The following CNTNAP5 variants were observed in gnomAD, a reference collection of about 807,000 sequenced individuals.
CNTNAP5 encodes contactin associated protein family member 5, also known as contactin-associated protein-like 5.
A neutral mutation model predicts 150.2 loss-of-function variants in CNTNAP5; 72 were observed. The ratio of observed to expected loss-of-function variants is 0.48; its 90% CI spans 0.40 to 0.58. CNTNAP5 has a LOEUF of 0.58. CNTNAP5 is among the 20% of genes least tolerant of loss of function. The pLI is 0.00. For synonymous variants in CNTNAP5, 672 were observed against 619.8 expected (o/e 1.08, Z -1.25); for missense variants, 1,636 against 1,626.2 (o/e 1.01, Z -0.10).
chr2:124,690,828 C>A (rs554331991), intron 13 of CNTNAP5, among the ~76,000 whole-genome samples: 1 of 152,214 alleles, frequency 6.6e-6, no homozygotes, highest in African/African-American at 2.4e-5. Flanking sequence ...TGAATATATT[C>A]CCATGGCTCT....
intron 3 of CNTNAP5, among the ~76,000 whole-genome samples, chr2:124,389,158 C>T (rs1024278832): frequency 1.3e-5 from 2 of 152,044 alleles, no homozygotes; most frequent in Non-Finnish European, 2.9e-5. Context: ...CCTTTTCTGT[C>T]CTGTAATGTT....
chr2:124,762,707 A>G, intron 14 of CNTNAP5, among the ~76,000 whole-genome samples: 1 of 152,140 alleles, frequency 6.6e-6, no homozygotes, highest in East Asian at 1.9e-4. Flanking sequence ...ACAGCTGTAT[A>G]CTTCTAAAAC....
chr2:124,414,500 G>T (rs961807394), intron 3 of CNTNAP5, among the ~76,000 whole-genome samples: 2 of 152,114 alleles, frequency 1.3e-5, no homozygotes, highest in African/African-American at 4.8e-5. Flanking sequence ...AACTGCAAAT[G>T]ATATGGCTCT....
At chr2:124,699,344 G>C (rs1679472254) in intron 13 of CNTNAP5, among the ~76,000 whole-genome samples, 1 of 152,100 alleles carries the variant, frequency 6.6e-6, no homozygotes, top group Non-Finnish European at 1.5e-5. Flanking sequence ...GTTGCAGGGA[G>C]GGGCTCAGAT....
intron 21 of CNTNAP5, among the ~76,000 whole-genome samples, chr2:124,874,822 C>T (rs1363967659): frequency 1.3e-5 from 2 of 152,020 alleles, no homozygotes; most frequent in East Asian, 3.9e-4. Context: ...ATGCTGATAG[C>T]ATTATTTTTT....
At chr2:124,371,635 G>A (rs1573949762) in intron 3 of CNTNAP5, among the ~76,000 whole-genome samples, 1 of 152,202 alleles carries the variant, frequency 6.6e-6, no homozygotes, top group African/African-American at 2.4e-5. Context: ...TGCAACTGAA[G>A]CACTCTTAGA....
chr2:124,631,552 C>T (rs1677860843), intron 12 of CNTNAP5, among the ~76,000 whole-genome samples: 1 of 152,096 alleles, frequency 6.6e-6, no homozygotes, highest in South Asian at 2.1e-4. Flanking sequence ...CCCTTCCTTA[C>T]ACCTTATACA....
At chr2:124,424,222 TCTC>T (rs1452338678) in intron 4 of CNTNAP5, among the ~76,000 whole-genome samples, 1 of 152,188 alleles carries the variant, frequency 6.6e-6, no homozygotes, top group Admixed American at 6.5e-5. Flanking sequence ...TTGTTGCTGT[TCTC>T]ATCATCTGGG....
chr2:124,766,187 T>A (rs1324336028), intron 16 of CNTNAP5, among the ~76,000 whole-genome samples: 2 of 152,118 alleles, frequency 1.3e-5, no homozygotes, highest in East Asian at 3.9e-4. Context: ...GGGTAGGCTG[T>A]ACCCACCACC....
chr2:124,603,954 T>C (rs1558700722), intron 11 of CNTNAP5, among the ~76,000 whole-genome samples: 1 of 152,200 alleles, frequency 6.6e-6, no homozygotes, highest in South Asian at 2.1e-4. Flanking sequence ...TTTGAGATAA[T>C]TCCAGTCTTT....
intron 19 of CNTNAP5, among the ~76,000 whole-genome samples, chr2:124,864,496 C>A (rs1275105316): frequency 1.3e-5 from 2 of 152,074 alleles, no homozygotes. Context: ...ACAAATCTCT[C>A]TGAAGTGGCC....
intron 3 of CNTNAP5, among the ~76,000 whole-genome samples, chr2:124,307,320 C>T (rs1252877640): frequency 6.6e-6 from 1 of 152,118 alleles, no homozygotes; most frequent in Non-Finnish European, 1.5e-5. Context: ...GTGCTCCATT[C>T]TCATGACCTA....
intron 1 of CNTNAP5, among the ~76,000 whole-genome samples, chr2:124,097,766 C>T (rs1202899769): frequency 2.6e-5 from 4 of 152,220 alleles, no homozygotes; most frequent in African/African-American, 7.2e-5. Context: ...CAGTGGCTCA[C>T]GCCTGTAATC....
intron 3 of CNTNAP5, among the ~76,000 whole-genome samples, chr2:124,400,875 T>A (rs925424579): frequency 1.3e-5 from 2 of 151,932 alleles, no homozygotes; most frequent in African/African-American, 2.4e-5. Flanking sequence ...ACTTTTTTTT[T>A]ATTACTTTTT....
intron 2 of CNTNAP5, among the ~76,000 whole-genome samples, chr2:124,237,988 A>G (rs1055691629): frequency 6.6e-6 from 1 of 152,178 alleles, no homozygotes; most frequent in Non-Finnish European, 1.5e-5. Flanking sequence ...TGCAGTCTTT[A>G]GCCATACATC....
chr2:124,721,201 G>A (rs1680041180), intron 13 of CNTNAP5, among the ~76,000 whole-genome samples: 1 of 152,124 alleles, frequency 6.6e-6, no homozygotes, highest in Non-Finnish European at 1.5e-5. Flanking sequence ...AAATGCGGCT[G>A]GGCACTGAGG....
At chr2:124,781,678 C>T (rs1350673690) in intron 17 of CNTNAP5, among the ~76,000 whole-genome samples, 1 of 132,080 alleles carries the variant, frequency 7.6e-6, no homozygotes, top group African/African-American at 2.9e-5. Flanking sequence ...TTCCCCGCCG[C>T]CATCTACACT....
At chr2:124,283,240 C>T (rs187032372) in intron 3 of CNTNAP5, among the ~76,000 whole-genome samples, 1 of 152,246 alleles carries the variant, frequency 6.6e-6, no homozygotes, top group East Asian at 1.9e-4. Flanking sequence ...GAGCATTTTC[C>T]CCTCAACATT....
At chr2:124,356,744 G>C (rs973811087) in intron 3 of CNTNAP5, among the ~76,000 whole-genome samples, 29 of 151,818 alleles carry the variant, frequency 1.9e-4, no homozygotes, top group African/African-American at 7.0e-4. Context: ...CTTTGCTATT[G>C]TGAATAATGC....
Sources: allele counts gnomAD v4.1 joint callset (sites outside exome capture counted in the v4.1 genomes callset), GRCh38; gene constraint gnomAD v4.1.1; transcripts MANE v1.5; gene names NCBI Gene and HGNC (gene_info 2026-07-23, HGNC 2026-07-21).